Variants in CACNA2D3 observed in about 807,000 individuals in gnomAD.
CACNA2D3 encodes voltage-dependent calcium channel subunit alpha-2/delta-3.
Under a neutral mutation model 160.6 loss-of-function variants are expected in CACNA2D3, and 60 were observed. That is an observed-to-expected ratio of 0.37 (90% CI 0.30 to 0.46). The LOEUF (loss-of-function observed/expected upper bound fraction) is 0.46, where lower values mean the gene tolerates loss of function less well. Among genes scored for constraint, CACNA2D3 ranks in the 20% least tolerant of loss-of-function variants. The pLI is 1.00. For missense variants in CACNA2D3, 1,205 were observed against 1,365.0 expected (o/e 0.88, Z 1.85); for synonymous variants, 558 against 492.9 (o/e 1.13, Z -1.75).
chr3:54,984,538 G>A (rs1216241464), intron 29 of CACNA2D3, 70 bp from the exon 30 acceptor site: 2 of 868,560 alleles, frequency 2.3e-6, no homozygotes, highest in East Asian at 5.3e-5. Flanking sequence ...GTGTCATTCT[G>A]TTTAAAAGCA....
At chr3:54,945,617 G>A (rs1251171555) in intron 27 of CACNA2D3, among the ~76,000 whole-genome samples, 2 of 152,170 alleles carry the variant, frequency 1.3e-5, no homozygotes, top group East Asian at 1.9e-4. Context: ...TTTAGTGTCA[G>A]TGCCTCTCAG....
At chr3:54,309,957 TTC>T (rs780764897) in intron 2 of CACNA2D3, among the ~76,000 whole-genome samples, 1 of 151,868 alleles carries the variant, frequency 6.6e-6, no homozygotes, top group Non-Finnish European at 1.5e-5. Context: ...CCATGTCCTC[TTC>T]TCTCTCTTCA....
intron 35 of CACNA2D3, among the ~76,000 whole-genome samples, chr3:55,040,577 C>T (rs1703937020): frequency 6.7e-6 from 1 of 148,680 alleles, no homozygotes. Context: ...CCCAGCTACT[C>T]AGGAGGCTAA....
intron 12 of CACNA2D3, among the ~76,000 whole-genome samples, chr3:54,754,884 A>G (rs1456795607): frequency 6.6e-6 from 1 of 152,098 alleles, no homozygotes; most frequent in African/African-American, 2.4e-5. Context: ...AAAAGGGGGC[A>G]TTTTGGAGAG....
chr3:54,531,686 G>A (rs1701807336), intron 5 of CACNA2D3, among the ~76,000 whole-genome samples: 1 of 152,208 alleles, frequency 6.6e-6, no homozygotes, highest in Admixed American at 6.5e-5. Flanking sequence ...AATGTCGGAA[G>A]TCATCATTCC....
chr3:54,783,347 T>A (rs1440019989), intron 13 of CACNA2D3, among the ~76,000 whole-genome samples: 1 of 152,156 alleles, frequency 6.6e-6, no homozygotes, highest in South Asian at 2.1e-4. Flanking sequence ...GGCTCACACC[T>A]GTAATCCCAG....
At chr3:54,883,165 A>G (rs1195463125) in intron 21 of CACNA2D3, among the ~76,000 whole-genome samples, 1 of 152,100 alleles carries the variant, frequency 6.6e-6, no homozygotes, top group Non-Finnish European at 1.5e-5. Context: ...CTGGGATTAC[A>G]GGAGCATGCC....
At chr3:54,683,501 A>G (rs1700391098) in intron 11 of CACNA2D3, among the ~76,000 whole-genome samples, 1 of 152,232 alleles carries the variant, frequency 6.6e-6, no homozygotes, top group South Asian at 2.1e-4. Context: ...CAAGCTCTCC[A>G]GGAGTAGTTT....
intron 35 of CACNA2D3, among the ~76,000 whole-genome samples, chr3:55,062,109 A>G (rs1704525219): frequency 6.6e-6 from 1 of 152,066 alleles, no homozygotes; most frequent in East Asian, 1.9e-4. Flanking sequence ...TTATATTTTT[A>G]TCTTTCATTT....
chr3:54,130,244 T>G (rs2107251617), intron 2 of CACNA2D3, among the ~76,000 whole-genome samples: 1 of 152,340 alleles, frequency 6.6e-6, no homozygotes, highest in East Asian at 1.9e-4. Flanking sequence ...GCTTACCCTC[T>G]CAGCTCCATT....
At chr3:54,885,629 G>A in intron 23 of CACNA2D3, 43 bp downstream of exon 23, 1 of 1,476,210 alleles carries the variant, frequency 6.8e-7, no homozygotes, top group Non-Finnish European at 9.4e-7. Context: ...CAGGGGTGAT[G>A]GTGGGGAATG....
chr3:54,191,559 A>C (rs1007030593), intron 2 of CACNA2D3, among the ~76,000 whole-genome samples: 19 of 152,054 alleles, frequency 1.2e-4, no homozygotes, highest in African/African-American at 4.6e-4. Context: ...CTGTGTTTTC[A>C]AGTTGAACCG....
intron 11 of CACNA2D3, among the ~76,000 whole-genome samples, chr3:54,678,625 G>A (rs1027029971): frequency 2.7e-5 from 4 of 146,714 alleles, no homozygotes; most frequent in Non-Finnish European, 6.0e-5. Context: ...GGAGGCTGAG[G>A]CAGAAGAATC....
At chr3:54,928,309 C>G (rs1400910992) in intron 27 of CACNA2D3, among the ~76,000 whole-genome samples, 3 of 152,140 alleles carry the variant, frequency 2.0e-5, no homozygotes, top group African/African-American at 7.2e-5. Context: ...ATTATTTAAT[C>G]TGCTTGAAGT....
At chr3:54,574,500 C>A (rs1019127245) in intron 8 of CACNA2D3, among the ~76,000 whole-genome samples, 1 of 152,122 alleles carries the variant, frequency 6.6e-6, no homozygotes, top group African/African-American at 2.4e-5. Flanking sequence ...CAAGGTATTA[C>A]AAGATCTATC....
At chr3:54,611,197 A>G (rs1362673914) in intron 9 of CACNA2D3, among the ~76,000 whole-genome samples, 1 of 152,204 alleles carries the variant, frequency 6.6e-6, no homozygotes, top group African/African-American at 2.4e-5. Flanking sequence ...CTGGATTGAA[A>G]TACATGTCAC....
At chr3:54,620,177 C>T (rs1207750690) in intron 9 of CACNA2D3, among the ~76,000 whole-genome samples, 1 of 152,114 alleles carries the variant, frequency 6.6e-6, no homozygotes, top group Non-Finnish European at 1.5e-5. Flanking sequence ...GCTGTTGGGA[C>T]CCTGCTCGTC....
At position 54,761,643 on chromosome 3, in the gene CACNA2D3, C is replaced by T. The variant is rs1702082823; in HGVS notation, c.1247-2575C>T. ...GATGGCTGAGAGAGGTGAACATAGG[C>T]CCTGCTCCCAGGTCTCAAACTAGGA... On this transcript the variant is annotated intron_variant, in intron 12 of 37. Coordinates refer to ENST00000474759, the MANE Select transcript of CACNA2D3 (RefSeq NM_018398.3). Among the ~76,000 whole-genome samples, 2 of 152,308 alleles carry T rather than the reference C, an allele frequency of 1.3e-5. 1 individual carries two copies. The highest frequency in any genetic ancestry group is 4.1e-4 in the South Asian group (2 of 4,830).
intron 2 of CACNA2D3, among the ~76,000 whole-genome samples, chr3:54,289,515 T>G (rs2107474525): frequency 6.6e-6 from 1 of 151,148 alleles, no homozygotes; most frequent in South Asian, 2.1e-4. Flanking sequence ...GCCATCCCCA[T>G]CAAGCTACCA....
Sources: gnomAD v4.1 joint callset for allele counts (sites outside exome capture counted in the v4.1 genomes callset) on GRCh38, gnomAD v4.1.1 for gene constraint, MANE v1.5 for transcripts, NCBI Gene and HGNC (gene_info 2026-07-23, HGNC 2026-07-21) for gene names.